The following NUP205 variants were observed in gnomAD, a reference collection of about 807,000 sequenced individuals.
NUP205 encodes the protein nuclear pore complex protein Nup205.
In NUP205, 76 loss-of-function variants were observed where a neutral mutation model predicts 253.8. The ratio of observed to expected loss-of-function variants is 0.30; its 90% CI spans 0.25 to 0.36. NUP205 has a LOEUF of 0.36. Among genes scored for constraint, NUP205 ranks in the 10% least tolerant of loss-of-function variants. The pLI, the probability that NUP205 is intolerant of heterozygous loss-of-function variation, is 1.00. For synonymous variants in NUP205, 832 were observed against 850.1 expected, an observed-to-expected ratio of 0.98 and a Z score of 0.37; for missense variants, 2,162 against 2,425.5, an observed-to-expected ratio of 0.89 and a Z score of 2.28.
intron 35 of NUP205, among the ~76,000 whole-genome samples, chr7:135,634,348 A>G (rs1794770023): frequency 6.6e-6 from 1 of 152,228 alleles, no homozygotes; most frequent in African/African-American, 2.4e-5. Flanking sequence ...TTTTAAATTG[A>G]GGCAGCAGTT....
chr7:135,570,965 T>C, intron 1 of NUP205, 140 bp from the exon 2 acceptor site: 1 of 196,386 alleles, frequency 5.1e-6, no homozygotes, highest in South Asian at 1.5e-4. Context: ...TATAATATAA[T>C]TGATAATTAT....
intron 10 of NUP205, among the ~76,000 whole-genome samples, chr7:135,588,354 T>C (rs1379810151): frequency 6.6e-6 from 1 of 150,920 alleles, no homozygotes; most frequent in East Asian, 1.9e-4. Flanking sequence ...ATACCCAGGC[T>C]GGTCTGTAAC....
intron 19 of NUP205, among the ~76,000 whole-genome samples, chr7:135,605,256 G>C (rs948808961): frequency 1.3e-5 from 2 of 152,078 alleles, no homozygotes; most frequent in Non-Finnish European, 2.9e-5. Flanking sequence ...AGCTCAAGCA[G>C]TGTGCCCATC....
Position 135,571,225 on chromosome 7 carries a change from T to A in NUP205, c.149T>A (p.Phe50Tyr), listed in dbSNP as rs772447938. The change falls in exon 2 of 43, where the codon TTC becomes TAC. Residue 50 changes from phenylalanine to tyrosine, a missense_variant. Phe to Tyr is a conservative substitution (Grantham distance 22). Coordinates refer to ENST00000285968, the MANE Select transcript of NUP205 (RefSeq NM_015135.3). ...ATTTTGAAGAAACACAAACCTGACT[T>A]CATCTCATTGTTCAAAAATCCGGTA... ...DKILKKHKPD[F>Y]ISLFKNPPKN... The A allele has an allele frequency of 7.7e-5, 109 of 1,407,256 alleles. No individual in the cohort carries two copies. The highest frequency in any genetic ancestry group is 9.9e-5 in the Non-Finnish European group (106 of 1,075,724). The allele number at this position is 1,407,256 out of a possible 1,614,324, so 87.2% of individuals were successfully genotyped here. A position where few individuals can be genotyped will look rare whatever the true frequency, so the allele number is the denominator to read the frequency against.
intron 1 of NUP205, 101 bp downstream of exon 1, chr7:135,558,073 T>A: frequency 3.1e-6 from 3 of 982,088 alleles, no homozygotes; most frequent in Non-Finnish European, 5.0e-6. Flanking sequence ...ACCCCACTTA[T>A]GTGCGGTGCC....
rs1793895252 is a variant in NUP205 at position 135,598,473 on chromosome 7, A to C, written c.2274+266A>C. ...ATCCTTAGTTTAACAAGTTTTGACT[A>C]AAATGGAACAAAAAGTGTCACATTT... is the stretch of plus-strand genomic sequence containing the variant. On this transcript the variant is annotated intron_variant, in intron 15 of 42. Coordinates refer to ENST00000285968, the MANE Select transcript of NUP205 (RefSeq NM_015135.3). 2.0e-5 allele frequency among the ~76,000 whole-genome samples: 3 copies of C among 152,234 alleles called. No individual in the cohort carries two copies. The South Asian group carries it at 6.2e-4, about 32-fold the overall frequency.
chr7:135,632,762 G>C (rs112665344), intron 35 of NUP205, among the ~76,000 whole-genome samples: 65 of 152,076 alleles, frequency 4.3e-4, no homozygotes, highest in Non-Finnish European at 7.9e-4. Context: ...GTAGTGTTGT[G>C]GGGTGGAACT....
intron 21 of NUP205, 142 bp downstream of exon 21, chr7:135,607,057 A>G (rs993158549): frequency 4.5e-6 from 5 of 1,121,426 alleles, no homozygotes; most frequent in Non-Finnish European, 6.4e-6. Context: ...TCAGTTCTTT[A>G]GGGCTTAGAA....
intron 22 of NUP205, among the ~76,000 whole-genome samples, chr7:135,608,610 G>C (rs1483718342): frequency 1.3e-5 from 2 of 151,764 alleles, no homozygotes; most frequent in Admixed American, 1.3e-4. Flanking sequence ...TGGGAGGCTG[G>C]GGCATGAGAA....
chr7:135,633,302 C>T (rs116568306), intron 35 of NUP205, among the ~76,000 whole-genome samples: 2,051 of 152,112 alleles, frequency 0.013, 45 homozygotes, highest in African/African-American at 0.047. Context: ...ACTCTGTCAC[C>T]CAGGTTGGAG....
In NUP205 at chr7:135,646,149, T is replaced by C; in HGVS notation, c.5813-9T>C. ...CACAGCCGGTATGACTCTGTTTTTT[T>C]ATCTCTAGATTCCTTCGCCTCAGAA... On this transcript the variant is annotated splice_polypyrimidine_tract_variant and intron_variant, in intron 41 of 42. Coordinates refer to ENST00000285968, the MANE Select transcript of NUP205 (RefSeq NM_015135.3). 4 of 1,606,292 alleles carry C rather than the reference T, an allele frequency of 2.5e-6. No homozygotes were observed. The highest frequency in any genetic ancestry group is 3.4e-6 in the Non-Finnish European group (4 of 1,172,858).
At chr7:135,610,284 G>A (rs529651962) in intron 22 of NUP205, among the ~76,000 whole-genome samples, 1 of 152,100 alleles carries the variant, frequency 6.6e-6, no homozygotes, top group Non-Finnish European at 1.5e-5. Flanking sequence ...GCAGTGGCAC[G>A]ATCTCAGCTC....
At position 135,563,434 on chromosome 7, in the gene NUP205, C is replaced by T. The variant is rs778085523; in HGVS notation, c.28+5462C>T. Reference sequence around the variant, plus strand: ...GATCTCCTGACCTCGTGATGTGGCCCGCCTTGGCCTCTCAAAGTGGTGGGA... The same window carrying T: ...GATCTCCTGACCTCGTGATGTGGCCTGCCTTGGCCTCTCAAAGTGGTGGGA... On this transcript the variant is annotated intron_variant, in intron 1 of 42. Coordinates refer to ENST00000285968, the MANE Select transcript of NUP205 (RefSeq NM_015135.3). Among the ~76,000 whole-genome samples, 8 of 152,150 alleles carry T rather than the reference C, an allele frequency of 5.3e-5. No homozygotes were observed. In the East Asian group the frequency reaches 9.7e-4, roughly 18 times the overall value.
At chr7:135,575,717 C>CTTTTT (rs1335074270) in intron 3 of NUP205, among the ~76,000 whole-genome samples, 1 of 152,142 alleles carries the variant, frequency 6.6e-6, no homozygotes, top group Non-Finnish European at 1.5e-5. Flanking sequence ...ATTGCTTGAA[C>CTTTTT]CTAGGCGGCA....
intron 30 of NUP205, 64 bp from the exon 31 acceptor site, chr7:135,622,713 T>G: frequency 7.0e-7 from 1 of 1,430,510 alleles, no homozygotes; most frequent in South Asian, 1.2e-5. Flanking sequence ...GCATGTGAGG[T>G]ATAATTACTC....
intron 38 of NUP205, among the ~76,000 whole-genome samples, chr7:135,642,389 G>A (rs1473494751): frequency 2.0e-5 from 3 of 151,668 alleles, no homozygotes; most frequent in Non-Finnish European, 4.4e-5. Flanking sequence ...CGGGGTCTCT[G>A]TTGCCCAGGC....
rs1794557402 is a variant in NUP205 at position 135,625,132 on chromosome 7, ATGTTTTGGAC to A, written c.4480-30_4480-21del. On this transcript the variant is annotated intron_variant, in intron 31 of 42. Transcript: ENST00000285968. ...TGTTGTTGATTTTGGTAGCATCTAC[ATGTTTTGGAC>A]TTTAATTTATTCTTCCTTCAGATGC... 2.6e-6 allele frequency: 4 copies of A among 1,564,082 alleles called. No individual in the cohort carries two copies. The African/African-American group carries it at 4.1e-5, about 16-fold the overall frequency.
At chr7:135,567,180 A>G (rs1238797024) in intron 1 of NUP205, among the ~76,000 whole-genome samples, 11 of 110,598 alleles carry the variant, frequency 9.9e-5, no homozygotes, top group African/African-American at 1.8e-4. Flanking sequence ...ATATATATAT[A>G]TGTATATATG....
At chr7:135,600,017 A>G (rs1263742034) in intron 15 of NUP205, among the ~76,000 whole-genome samples, 1 of 152,182 alleles carries the variant, frequency 6.6e-6, no homozygotes, top group Non-Finnish European at 1.5e-5. Flanking sequence ...AAATAATTTA[A>G]AAGTCACTTT....
Sources: allele counts gnomAD v4.1 joint callset (sites outside exome capture counted in the v4.1 genomes callset), GRCh38; gene constraint gnomAD v4.1.1; transcripts MANE v1.5; gene names NCBI Gene and HGNC (gene_info 2026-07-23, HGNC 2026-07-21).